RNF152: variants seen among roughly 807,000 people sequenced by gnomAD.
The protein encoded by RNF152 is ring finger protein 152.
In RNF152, 11 loss-of-function variants were observed where a neutral mutation model predicts 12.7. The observed-to-expected ratio is 0.86, with a 90% CI of 0.54 to 1.43. The LOEUF is 1.43. RNF152 is among the 40% of genes most tolerant of loss of function. The pLI is 0.00. For synonymous variants in RNF152, 113 were observed against 120.3 expected (o/e 0.94, Z 0.40); for missense variants, 255 against 274.8 (o/e 0.93, Z 0.51).
intron 1 of RNF152, among the ~76,000 whole-genome samples, chr18:61,879,227 G>A (rs150472485): frequency 2.0e-5 from 3 of 152,266 alleles, no homozygotes; most frequent in African/African-American, 4.8e-5. Flanking sequence ...CTTGCTAAAC[G>A]ATACAGTATA....
chr18:61,829,311 G>T (rs575818022), intron 1 of RNF152, among the ~76,000 whole-genome samples: 1 of 151,998 alleles, frequency 6.6e-6, no homozygotes, highest in African/African-American at 2.4e-5. Flanking sequence ...TAATCAGCCC[G>T]GCCAGAGGAG....
chr18:61,881,641 T>C (rs1912468865), intron 1 of RNF152, among the ~76,000 whole-genome samples: 1 of 152,216 alleles, frequency 6.6e-6, no homozygotes, highest in Non-Finnish European at 1.5e-5. Context: ...GAATCCAAAA[T>C]TGATTATCAC....
chr18:61,884,968 ATCTG>A (rs2144765232), intron 1 of RNF152, among the ~76,000 whole-genome samples: 1 of 152,348 alleles, frequency 6.6e-6, no homozygotes, highest in Admixed American at 6.5e-5. Flanking sequence ...GAATGGATGG[ATCTG>A]TACCTTCAGT....
At chr18:61,842,018 C>T (rs1322057075) in intron 1 of RNF152, among the ~76,000 whole-genome samples, 1 of 152,120 alleles carries the variant, frequency 6.6e-6, no homozygotes, top group Non-Finnish European at 1.5e-5. Flanking sequence ...TGCATTTGAC[C>T]CCAGGGCTAT....
chr18:61,829,751 G>A (rs1909850716), intron 1 of RNF152, among the ~76,000 whole-genome samples: 1 of 152,082 alleles, frequency 6.6e-6, no homozygotes, highest in Non-Finnish European at 1.5e-5. Context: ...AAGCCTCCAG[G>A]AGTAGCTGGA....
chr18:61,819,599 C>T (rs1181969293), intron 1 of RNF152, among the ~76,000 whole-genome samples: 2 of 152,004 alleles, frequency 1.3e-5, no homozygotes, highest in African/African-American at 2.4e-5. Context: ...AAAATGAAGC[C>T]TTTAGAGGAA....
intron 1 of RNF152, among the ~76,000 whole-genome samples, chr18:61,876,752 C>T (rs1399026282): frequency 1.3e-5 from 2 of 152,194 alleles, no homozygotes; most frequent in African/African-American, 4.8e-5. Flanking sequence ...CTACTCTACC[C>T]CGTAGGATTG....
intron 1 of RNF152, among the ~76,000 whole-genome samples, chr18:61,870,085 C>G (rs1170454217): frequency 6.6e-6 from 1 of 152,228 alleles, no homozygotes; most frequent in Admixed American, 6.5e-5. Context: ...TTATTCCAAA[C>G]CTCACGCTCT....
rs926154153 is a variant in RNF152 at position 61,811,370 on chromosome 18, T to G, written c.*4482A>C. 2.0e-5 allele frequency: 3 copies of G among 152,226 alleles called. No individual in the cohort carries two copies. Among genetic ancestry groups the G allele is most frequent in the African/African-American group, 7.2e-5 (3 of 41,462 alleles). The allele number at this position is 152,226 out of a possible 1,614,324, so 9.4% of individuals were successfully genotyped here. A position where few individuals can be genotyped will look rare whatever the true frequency, so the allele number is the denominator to read the frequency against. ...TTTTATTTAGCTAAAAAGTAATTATTGTAGCTTTAGTAAACTTCAAGTCTT... is the reference window on the plus strand; with the variant it reads ...TTTTATTTAGCTAAAAAGTAATTATGGTAGCTTTAGTAAACTTCAAGTCTT... On this transcript the variant is annotated 3_prime_UTR_variant, in exon 2 of 2. Transcript: ENST00000312828.
Position 61,866,101 on chromosome 18 carries a change from C to G in RNF152, c.-136+26694G>C, listed in dbSNP as rs113895454. Among the ~76,000 whole-genome samples the G allele has an allele frequency of 2.6e-5, 4 of 152,326 alleles. 1 individual carries two copies. The highest frequency in any genetic ancestry group is 9.6e-5 in the African/African-American group (4 of 41,576). ...GAATATTCCTGGCCATATACTCCCA[C>G]CTCCAAGGGAATTTGGAGGGCTGAG... On this transcript the variant is annotated intron_variant, in intron 1 of 1. Transcript: ENST00000312828.
At chr18:61,834,469 A>G (rs1720228878) in intron 1 of RNF152, among the ~76,000 whole-genome samples, 1 of 152,162 alleles carries the variant, frequency 6.6e-6, no homozygotes, top group African/African-American at 2.4e-5. Context: ...CCTTAGAGGG[A>G]AGGCACCTAC....
At chr18:61,876,086 TACTC>T (rs1286464703) in intron 1 of RNF152, among the ~76,000 whole-genome samples, 2 of 152,202 alleles carry the variant, frequency 1.3e-5, no homozygotes, top group Non-Finnish European at 2.9e-5. Context: ...CATAAAGCAT[TACTC>T]ACTGTCTGGA....
chr18:61,875,898 T>C (rs1450908001), intron 1 of RNF152, among the ~76,000 whole-genome samples: 2 of 149,660 alleles, frequency 1.3e-5, no homozygotes, highest in African/African-American at 4.9e-5. Flanking sequence ...CCCCAATCCA[T>C]ATTGATGACT....
At chr18:61,849,502 G>A (rs1910877417) in intron 1 of RNF152, among the ~76,000 whole-genome samples, 1 of 152,178 alleles carries the variant, frequency 6.6e-6, no homozygotes, top group Non-Finnish European at 1.5e-5. Context: ...ACACGAAGGG[G>A]ATTGAAGTAA....
At chr18:61,886,496 TA>T (rs1912704859) in intron 1 of RNF152, among the ~76,000 whole-genome samples, 1 of 152,258 alleles carries the variant, frequency 6.6e-6, no homozygotes. Flanking sequence ...TTTGATGCTT[TA>T]ATACAAAATA....
At chr18:61,829,309 C>T (rs1163295938) in intron 1 of RNF152, among the ~76,000 whole-genome samples, 4 of 152,138 alleles carry the variant, frequency 2.6e-5, no homozygotes, top group Admixed American at 2.0e-4. Context: ...ACTAATCAGC[C>T]CGGCCAGAGG....
At chr18:61,871,124 G>A (rs1245714117) in intron 1 of RNF152, among the ~76,000 whole-genome samples, 3 of 151,930 alleles carry the variant, frequency 2.0e-5, no homozygotes, top group Non-Finnish European at 4.4e-5. Flanking sequence ...TCGGAGGTGT[G>A]TACATGTTAC....
chr18:61,880,661 ATAGT>A (rs1346552217), intron 1 of RNF152, among the ~76,000 whole-genome samples: 1 of 152,232 alleles, frequency 6.6e-6, no homozygotes, highest in Non-Finnish European at 1.5e-5. Flanking sequence ...GGAATCCAAG[ATAGT>A]TAGGAAAGGG....
At chr18:61,874,903 C>T (rs963208532) in intron 1 of RNF152, 8 of 152,048 alleles carry the variant, frequency 5.3e-5, no homozygotes, top group Non-Finnish European at 1.2e-4. Flanking sequence ...CTTAAACACT[C>T]TTTATGCTGA....
Sources: allele counts gnomAD v4.1 joint callset (sites outside exome capture counted in the v4.1 genomes callset), GRCh38; gene constraint gnomAD v4.1.1; transcripts MANE v1.5; gene names NCBI Gene and HGNC (gene_info 2026-07-23, HGNC 2026-07-21).